The following ARHGAP32 variants were observed in gnomAD, a reference collection of about 807,000 sequenced individuals.
ARHGAP32 encodes Rho GTPase activating protein 32.
In ARHGAP32, 51 loss-of-function variants were observed where a neutral mutation model predicts 186.5. The ratio of observed to expected loss-of-function variants is 0.27; its 90% CI spans 0.22 to 0.35. The LOEUF is 0.35. ARHGAP32 is among the 10% of genes least tolerant of loss of function. The probability of loss-of-function intolerance (pLI) is 1.00; values close to 1 mark genes in which losing one functional copy is unlikely to be tolerated. For missense variants in ARHGAP32, 2,186 were observed against 2,623.5 expected (o/e 0.83, Z 3.64); for synonymous variants, 950 against 964.3 (o/e 0.99, Z 0.27).
intron 1 of ARHGAP32, among the ~76,000 whole-genome samples, chr11:129,239,368 G>A (rs2135662487): frequency 6.6e-6 from 1 of 152,244 alleles, no homozygotes; most frequent in South Asian, 2.1e-4. Flanking sequence ...GCTGTAAGGA[G>A]GGTACTAGCA....
intron 11 of ARHGAP32, among the ~76,000 whole-genome samples, chr11:129,003,131 C>T (rs1013195277): frequency 6.6e-6 from 1 of 152,128 alleles, no homozygotes; most frequent in African/African-American, 2.4e-5. Context: ...GCTTTTTCAG[C>T]ATTAATTGAA....
In ARHGAP32 at chr11:128,998,328, C is replaced by A. The variant is rs1262622579; in HGVS notation, c.1186G>T (p.Gly396Cys). 1.3e-6 allele frequency: 2 copies of A among 1,564,214 alleles called. No homozygotes were observed. The highest frequency in any genetic ancestry group is 3.7e-5 in the Admixed American group (2 of 54,534). Residue 396 changes from glycine to cysteine, a missense_variant, in exon 12 of 23, where the codon GGT becomes TGT. By Grantham distance (159) the Gly-to-Cys change is radical. Around this residue, in one of 5 missense-constraint regions of ARHGAP32, gnomAD observed 308 missense variants for 596.5 expected, o/e 0.52. Coordinates refer to ENST00000682385, the MANE Select transcript of ARHGAP32 (RefSeq NM_001378024.1). Reference sequence around the variant, plus strand: ...CACATTTTATTTTTACCTTCAAAACCAGAATTTAGAAGGTGTTCCCCCAGG... The same window carrying A: ...CACATTTTATTTTTACCTTCAAAACAAGAATTTAGAAGGTGTTCCCCCAGG... Reference protein sequence around the residue: ...CDLGEHLLNSGFEVPQVLQSC... With the variant: ...CDLGEHLLNSCFEVPQVLQSC...
chr11:129,066,393 C>T (rs1212109155), intron 7 of ARHGAP32, among the ~76,000 whole-genome samples: 1 of 152,022 alleles, frequency 6.6e-6, no homozygotes, highest in Non-Finnish European at 1.5e-5. Flanking sequence ...TCATAAACTA[C>T]TCAACACTGT....
chr11:129,024,532 T>C (rs1211815495), intron 11 of ARHGAP32, among the ~76,000 whole-genome samples: 1 of 152,202 alleles, frequency 6.6e-6, no homozygotes, highest in African/African-American at 2.4e-5. Context: ...ATATCTTTGC[T>C]GATACTGAGC....
intron 2 of ARHGAP32, among the ~76,000 whole-genome samples, chr11:129,147,081 C>G (rs1341327714): frequency 6.6e-6 from 1 of 152,080 alleles, no homozygotes; most frequent in Non-Finnish European, 1.5e-5. Flanking sequence ...ATTCACTACA[C>G]ACTTTTGCAA....
chr11:129,012,802 T>C (rs1190899983), intron 11 of ARHGAP32, among the ~76,000 whole-genome samples: 1 of 152,248 alleles, frequency 6.6e-6, no homozygotes, highest in Non-Finnish European at 1.5e-5. Context: ...ACTAGGCTTC[T>C]CAACAGTAGA....
chr11:128,981,004 T>TA (rs1945691676), intron 17 of ARHGAP32, among the ~76,000 whole-genome samples: 1 of 152,184 alleles, frequency 6.6e-6, no homozygotes, highest in Non-Finnish European at 1.5e-5. Context: ...TTATATTAAA[T>TA]AAAAAACTGA....
At chr11:128,996,413 G>C (rs1946200191) in intron 12 of ARHGAP32, among the ~76,000 whole-genome samples, 1 of 151,880 alleles carries the variant, frequency 6.6e-6, no homozygotes, top group East Asian at 1.9e-4. Flanking sequence ...CCTCTACACT[G>C]TTATTTTTCA....
At chr11:129,253,602 T>C (rs1012052302) in intron 1 of ARHGAP32, among the ~76,000 whole-genome samples, 1 of 152,164 alleles carries the variant, frequency 6.6e-6, no homozygotes, top group Non-Finnish European at 1.5e-5. Context: ...TTATACTTAA[T>C]TGGAATAGAA....
intron 11 of ARHGAP32, among the ~76,000 whole-genome samples, chr11:129,020,587 G>C (rs1938550797): frequency 1.3e-5 from 2 of 152,040 alleles, no homozygotes. Context: ...GGTTTCAAGA[G>C]TTTACTGCAG....
Position 128,970,828 on chromosome 11 carries a change from G to C in ARHGAP32, c.4385C>G (p.Ser1462Cys). Residue 1462 changes from serine (S) to cysteine (C), a missense_variant, in exon 23 of 23, where the codon TCC becomes TGC. Ser to Cys is a moderately radical substitution (Grantham distance 112, BLOSUM62 -1). Around this residue, in one of 5 missense-constraint regions of ARHGAP32, gnomAD observed 1,502 missense variants for 1,570.0 expected, o/e 0.96. Transcript: ENST00000682385. This position sits in a 1 kb window ranked among gnomAD's most constrained non-coding sequence, Gnocchi z 5.8. The part of the protein sequence containing the change: ...SNYHSFVTAS[S>C]TSVDDALPLP... ...AGGCAATGCATCGTCCACAGAGGTGGATGAAGCAGTGACAAAGGAATGATA... is the reference window on the plus strand; with the variant it reads ...AGGCAATGCATCGTCCACAGAGGTGCATGAAGCAGTGACAAAGGAATGATA... The C allele has an allele frequency of 4.3e-6, 7 of 1,614,242 alleles. No individual in the cohort carries two copies. The highest frequency in any genetic ancestry group is 5.9e-6 in the Non-Finnish European group (7 of 1,180,038).
At chr11:129,037,487 T>C (rs1939395422) in intron 11 of ARHGAP32, among the ~76,000 whole-genome samples, 1 of 151,794 alleles carries the variant, frequency 6.6e-6, no homozygotes, top group Non-Finnish European at 1.5e-5. Context: ...AGCAAGACAC[T>C]GTCTCCAAAG....
At chr11:129,277,264 A>G (rs1945543634) in intron 1 of ARHGAP32, among the ~76,000 whole-genome samples, 2 of 152,102 alleles carry the variant, frequency 1.3e-5, no homozygotes, top group Non-Finnish European at 1.5e-5. Flanking sequence ...ATGTATTGCC[A>G]TTAGTGTCGC....
chr11:129,099,589 A>G (rs532577812), intron 5 of ARHGAP32, among the ~76,000 whole-genome samples: 1 of 152,336 alleles, frequency 6.6e-6, no homozygotes, highest in Admixed American at 6.5e-5. Context: ...TTGAAAGTGG[A>G]AGGATGGAAA....
intron 10 of ARHGAP32, among the ~76,000 whole-genome samples, chr11:129,041,629 T>C (rs1292565934): frequency 1.3e-5 from 2 of 152,136 alleles, no homozygotes; most frequent in African/African-American, 4.8e-5. Flanking sequence ...ACAGCCAATC[T>C]CAGCAGTGTC....
In ARHGAP32 at chr11:128,994,520, T is replaced by C. The variant is rs1946148444; in HGVS notation, c.1195+3799A>G. 3.3e-5 allele frequency among the ~76,000 whole-genome samples: 5 copies of C among 152,034 alleles called. No individual in the cohort carries two copies. In the South Asian group the frequency reaches 1.0e-3, roughly 32 times the overall value. The stretch of plus-strand genomic sequence containing the variant: ...ATGTTACATGGTGTTAAACGTGCCA[T>C]GTTGCCCAGGCTGGTCTCAAACCCC... On this transcript the variant is annotated intron_variant, in intron 12 of 22. Transcript: ENST00000682385.
intron 1 of ARHGAP32, among the ~76,000 whole-genome samples, chr11:129,232,023 CAAAAAAAAAAAAAAAAA>C (rs71057935): frequency 1.5e-5 from 1 of 64,552 alleles, no homozygotes; most frequent in Non-Finnish European, 2.7e-5. Context: ...GAGACGGACT[CAAAAAAAAAAAAAAAAA>C]AAAAAAAAAA....
intron 1 of ARHGAP32, among the ~76,000 whole-genome samples, chr11:129,174,235 G>A (rs1250194596): frequency 6.6e-6 from 1 of 152,204 alleles, no homozygotes; most frequent in Non-Finnish European, 1.5e-5. Context: ...TTTTCCGACG[G>A]GCCTAAAAAA....
chr11:129,149,514 T>C (rs1205514180), intron 2 of ARHGAP32, among the ~76,000 whole-genome samples: 1 of 152,096 alleles, frequency 6.6e-6, no homozygotes, highest in Non-Finnish European at 1.5e-5. Context: ...TCCTGCTGGG[T>C]GGCTAGACCC....
Sources: gnomAD v4.1 joint callset for allele counts (sites outside exome capture counted in the v4.1 genomes callset) on GRCh38, gnomAD v4.1.1 for gene constraint, gnomAD v4.1.1 regional missense constraint, Gnocchi (gnomAD v3.1) non-coding constraint, MANE v1.5 for transcripts, NCBI Gene and HGNC (gene_info 2026-07-23, HGNC 2026-07-21) for gene names.